PRKD1: variants seen among roughly 807,000 people sequenced by gnomAD.
PRKD1 encodes the protein serine/threonine-protein kinase D1.
PRKD1 carries 63 observed loss-of-function variants against 95.9 expected under a neutral mutation model. The observed-to-expected ratio is 0.66, with a 90% confidence interval of 0.54 to 0.81. The LOEUF (loss-of-function observed/expected upper bound fraction) is 0.81, where lower values mean the gene tolerates loss of function less well. Ranked by LOEUF, PRKD1 falls within the 30% of genes least tolerant of loss-of-function variation. The pLI is 0.00. For missense variants in PRKD1, 1,048 were observed against 1,165.3 expected (o/e 0.90, Z 1.47); for synonymous variants, 425 against 423.1 (o/e 1.00, Z -0.05).
intron 1 of PRKD1, among the ~76,000 whole-genome samples, chr14:29,819,915 G>C (rs1370130926): frequency 6.6e-6 from 1 of 152,002 alleles, no homozygotes; most frequent in Admixed American, 6.6e-5. Flanking sequence ...CTCCATGAAG[G>C]ACACAAAAGC....
Position 29,840,031 on chromosome 14 carries a change from T to C in PRKD1, c.264+87218A>G, listed in dbSNP as rs191529561. Among the ~76,000 whole-genome samples the C allele has an allele frequency of 4.5e-4, 69 of 152,310 alleles. 1 individual carries two copies. The highest frequency in any genetic ancestry group is 1.4e-3 in the African/African-American group (60 of 41,586). On this transcript the variant is annotated intron_variant, in intron 1 of 17. Coordinates refer to ENST00000331968, the MANE Select transcript of PRKD1 (RefSeq NM_002742.3). ...GGATTAACATTCAGCTCATTACTTA[T>C]GTAAATTTCTGCAGCCACCTTGAAT...
At position 29,927,288 on chromosome 14, in the gene PRKD1, C is replaced by T. The variant is rs1895338605; in HGVS notation, c.225G>A (p.Ala75=). The change falls in exon 1 of 18, where the codon GCG becomes GCA. Residue 75 remains alanine (A), a synonymous_variant. Coordinates refer to ENST00000331968, the MANE Select transcript of PRKD1 (RefSeq NM_002742.3). The part of the protein sequence containing the change: ...LQDSSGDYSL[A]HVREMACSIV... ...TGGAGCAAGCCATCTCGCGGACGTG[C>T]GCCAGGCTGTAGTCCCCGGACGAGT... The T allele has an allele frequency of 6.5e-7, 1 of 1,538,338 alleles. No individual in the cohort carries two copies. Among genetic ancestry groups the T allele is most frequent in the East Asian group, 2.6e-5 (1 of 37,942 alleles).
At chr14:29,836,255 G>C (rs941000835) in intron 1 of PRKD1, among the ~76,000 whole-genome samples, 1 of 152,146 alleles carries the variant, frequency 6.6e-6, no homozygotes, top group Non-Finnish European at 1.5e-5. Flanking sequence ...CTGAGGTTCT[G>C]GTATTCTATC....
chr14:29,884,885 G>A (rs1265761173), intron 1 of PRKD1, among the ~76,000 whole-genome samples: 1 of 151,938 alleles, frequency 6.6e-6, no homozygotes, highest in Non-Finnish European at 1.5e-5. Context: ...CACTTTGGGA[G>A]GCCGAAGCGG....
At chr14:29,896,548 C>G (rs947829219) in intron 1 of PRKD1, among the ~76,000 whole-genome samples, 2 of 151,910 alleles carry the variant, frequency 1.3e-5, no homozygotes, top group Admixed American at 1.3e-4. Context: ...CTGCCTGCAT[C>G]GGCAAAAAAA....
chr14:29,849,717 A>G (rs1892228760), intron 1 of PRKD1, among the ~76,000 whole-genome samples: 1 of 152,046 alleles, frequency 6.6e-6, no homozygotes, highest in Admixed American at 6.6e-5. Context: ...ATCCTAACTC[A>G]TTCTATAAAT....
intron 1 of PRKD1, among the ~76,000 whole-genome samples, chr14:29,735,464 T>C (rs371605063): frequency 2.0e-5 from 3 of 152,028 alleles, no homozygotes; most frequent in African/African-American, 7.2e-5. Flanking sequence ...ATGTAAAGAG[T>C]AGAGAAAAAA....
At chr14:29,592,073 C>T (rs751629843) in intron 16 of PRKD1, among the ~76,000 whole-genome samples, 14 of 151,724 alleles carry the variant, frequency 9.2e-5, no homozygotes, top group Non-Finnish European at 1.9e-4. Context: ...TTCAAGGAAC[C>T]GAGAAGGGTA....
chr14:29,602,196 G>C (rs1893545268), intron 13 of PRKD1, among the ~76,000 whole-genome samples: 1 of 152,082 alleles, frequency 6.6e-6, no homozygotes, highest in African/African-American at 2.4e-5. Flanking sequence ...TCTGTGTGTA[G>C]GCAGACGAAA....
chr14:29,612,286 G>A (rs1878520858), intron 13 of PRKD1, among the ~76,000 whole-genome samples: 2 of 152,042 alleles, frequency 1.3e-5, no homozygotes, highest in East Asian at 1.9e-4. Flanking sequence ...TAAGTAAAAG[G>A]CTATGTTTAC....
At chr14:29,693,268 T>G (rs1490594307) in intron 2 of PRKD1, among the ~76,000 whole-genome samples, 2 of 152,146 alleles carry the variant, frequency 1.3e-5, no homozygotes, top group Non-Finnish European at 2.9e-5. Context: ...AATTTTCAAG[T>G]ACTTTGTGTT....
intron 2 of PRKD1, among the ~76,000 whole-genome samples, chr14:29,667,174 C>T (rs1024987917): frequency 6.6e-6 from 1 of 152,052 alleles, no homozygotes; most frequent in African/African-American, 2.4e-5. Flanking sequence ...CAGTACAGCA[C>T]CTGGCAGGCA....
At chr14:29,924,524 A>G (rs967124404) in intron 1 of PRKD1, among the ~76,000 whole-genome samples, 1 of 152,180 alleles carries the variant, frequency 6.6e-6, no homozygotes, top group African/African-American at 2.4e-5. Flanking sequence ...CGTATGATCT[A>G]TGTTAGTACT....
intron 1 of PRKD1, among the ~76,000 whole-genome samples, chr14:29,890,507 A>T (rs1893899862): frequency 6.6e-6 from 1 of 152,224 alleles, no homozygotes; most frequent in African/African-American, 2.4e-5. Context: ...ATAAATAGGT[A>T]GATAGATAGA....
At chr14:29,916,247 T>C (rs551319779) in intron 1 of PRKD1, among the ~76,000 whole-genome samples, 4 of 152,332 alleles carry the variant, frequency 2.6e-5, no homozygotes, top group African/African-American at 7.2e-5. Flanking sequence ...GTGATGCTCA[T>C]GGAATTTCTA....
intron 2 of PRKD1, among the ~76,000 whole-genome samples, chr14:29,725,294 TGA>T (rs1481093144): frequency 1.3e-5 from 2 of 152,128 alleles, no homozygotes; most frequent in Non-Finnish European, 2.9e-5. Context: ...TGCTAGAGGC[TGA>T]GAGGGGGCTG....
At chr14:29,710,792 C>G (rs1235292098) in intron 2 of PRKD1, among the ~76,000 whole-genome samples, 1 of 151,660 alleles carries the variant, frequency 6.6e-6, no homozygotes, top group African/African-American at 2.4e-5. Flanking sequence ...TATTTTGCTA[C>G]TTTTCTGTAA....
chr14:29,881,184 C>T (rs1349336467), intron 1 of PRKD1, among the ~76,000 whole-genome samples: 1 of 152,142 alleles, frequency 6.6e-6, no homozygotes, highest in African/African-American at 2.4e-5. Context: ...CCCAGAATTC[C>T]CATGTGTTGT....
At chr14:29,858,206 A>G (rs1389031983) in intron 1 of PRKD1, among the ~76,000 whole-genome samples, 2 of 152,176 alleles carry the variant, frequency 1.3e-5, no homozygotes, top group Non-Finnish European at 2.9e-5. Context: ...CTCACCCCTG[A>G]TCTCAGTTTG....
Sources: gnomAD v4.1 joint callset for allele counts (sites outside exome capture counted in the v4.1 genomes callset) on GRCh38, gnomAD v4.1.1 for gene constraint, MANE v1.5 for transcripts, NCBI Gene and HGNC (gene_info 2026-07-23, HGNC 2026-07-21) for gene names.